DDC: variants seen among roughly 807,000 people sequenced by gnomAD.
The protein encoded by DDC is dopa decarboxylase.
DDC carries 43 observed loss-of-function variants against 60.0 expected under a neutral mutation model. The ratio of observed to expected loss-of-function variants is 0.72; its 90% CI spans 0.56 to 0.92. DDC has a LOEUF of 0.92. Ranked by LOEUF, DDC falls within the 40% of genes least tolerant of loss-of-function variation. The pLI, the probability that DDC is intolerant of heterozygous loss-of-function variation, is 0.00. For synonymous variants in DDC, 232 were observed against 234.6 expected (o/e 0.99, Z 0.10); for missense variants, 573 against 620.2 (o/e 0.92, Z 0.81).
At chr7:50,467,122 C>T in intron 13 of DDC, 92 bp downstream of exon 13, 1 of 1,138,952 alleles carries the variant, frequency 8.8e-7, no homozygotes. Context: ...TCTGGAGAGC[C>T]AGTGCCAGTG....
intron 6 of DDC, among the ~76,000 whole-genome samples, chr7:50,509,861 G>GA (rs555224345): frequency 0.051 from 7,660 of 151,542 alleles, 482 homozygotes; most frequent in African/African-American, 0.14. Flanking sequence ...AAGTCTTGGG[G>GA]AAAAAAAACC....
At chr7:50,535,792 C>T (rs1156471603) in intron 4 of DDC, among the ~76,000 whole-genome samples, 1 of 152,196 alleles carries the variant, frequency 6.6e-6, no homozygotes, top group Non-Finnish European at 1.5e-5. Flanking sequence ...GACTGTTTCC[C>T]TTCCAGGGAA....
At chr7:50,530,232 G>C (rs1392782403) in intron 4 of DDC, among the ~76,000 whole-genome samples, 1 of 152,096 alleles carries the variant, frequency 6.6e-6, no homozygotes, top group Non-Finnish European at 1.5e-5. Flanking sequence ...TCCAGCCTGG[G>C]CGACAGAGTG....
At chr7:50,482,980 T>A (rs2042802126) in intron 9 of DDC, among the ~76,000 whole-genome samples, 1 of 151,894 alleles carries the variant, frequency 6.6e-6, no homozygotes, top group Non-Finnish European at 1.5e-5. Flanking sequence ...TCCATACTGA[T>A]CCTTACATGT....
intron 9 of DDC, among the ~76,000 whole-genome samples, chr7:50,481,237 A>G (rs1419201866): frequency 6.6e-6 from 1 of 152,226 alleles, no homozygotes; most frequent in Non-Finnish European, 1.5e-5. Flanking sequence ...AGACAGACAA[A>G]GTCAGTAGGA....
intron 6 of DDC, among the ~76,000 whole-genome samples, chr7:50,507,431 C>T (rs2043430692): frequency 6.6e-6 from 1 of 152,120 alleles, no homozygotes; most frequent in South Asian, 2.1e-4. Flanking sequence ...GGGGTTTCAC[C>T]ATGTTGGCTA....
chr7:50,531,166 C>T (rs2044194018), intron 4 of DDC, among the ~76,000 whole-genome samples: 1 of 152,124 alleles, frequency 6.6e-6, no homozygotes, highest in African/African-American at 2.4e-5. Flanking sequence ...GTTTACAAAC[C>T]TTGGCCAGAG....
chr7:50,533,824 A>T (rs1430977134), intron 4 of DDC, among the ~76,000 whole-genome samples: 4 of 152,176 alleles, frequency 2.6e-5, no homozygotes, highest in African/African-American at 9.6e-5. Flanking sequence ...GGCTCACCAA[A>T]TGCTAGGGAG....
intron 12 of DDC, among the ~76,000 whole-genome samples, chr7:50,469,599 C>T (rs915612587): frequency 4.6e-5 from 7 of 152,148 alleles, no homozygotes; most frequent in African/African-American, 2.4e-5. Context: ...GCAATCTTAA[C>T]GAAAGTGACT....
chr7:50,524,565 T>A (rs372235690), intron 6 of DDC, among the ~76,000 whole-genome samples: 13 of 152,316 alleles, frequency 8.5e-5, no homozygotes, highest in Middle Eastern at 3.4e-3. Context: ...AATAAGCACA[T>A]GAAAAGATGT....
chr7:50,530,410 G>C (rs1585239911), intron 4 of DDC, among the ~76,000 whole-genome samples: 1 of 152,142 alleles, frequency 6.6e-6, no homozygotes, highest in African/African-American at 2.4e-5. Context: ...TTTGATTTTG[G>C]ACTTGCAGCC....
chr7:50,505,077 C>T (rs371047192), intron 6 of DDC, among the ~76,000 whole-genome samples: 2 of 152,206 alleles, frequency 1.3e-5, no homozygotes, highest in South Asian at 2.1e-4. Context: ...GGAGTCACTG[C>T]GGCCTCTCCC....
intron 1 of DDC, among the ~76,000 whole-genome samples, chr7:50,557,043 C>A (rs889478584): frequency 1.3e-5 from 2 of 152,094 alleles, no homozygotes; most frequent in Non-Finnish European, 2.9e-5. Flanking sequence ...CTGTGTCTAG[C>A]AATTATTATT....
At chr7:50,526,359 A>G (rs960182691) in intron 6 of DDC, among the ~76,000 whole-genome samples, 2 of 152,214 alleles carry the variant, frequency 1.3e-5, no homozygotes, top group Non-Finnish European at 2.9e-5. Context: ...ATATCTTCCA[A>G]AAGTGAAGGC....
intron 6 of DDC, among the ~76,000 whole-genome samples, chr7:50,509,703 T>G (rs182085607): frequency 2.0e-5 from 3 of 152,230 alleles, no homozygotes; most frequent in African/African-American, 7.2e-5. Flanking sequence ...CCTGTATTAC[T>G]TGGCACTTCC....
rs1004306761 is a variant in DDC, at chr7:50,542,339, A to C, written c.201+1546T>G. Reference sequence around the variant, plus strand: ...TAGCCCCTCCGCACCTGGAGGGCCCATGTGCCTTTGTCTCTCTCCCCTTCC... The same window carrying C: ...TAGCCCCTCCGCACCTGGAGGGCCCCTGTGCCTTTGTCTCTCTCCCCTTCC... On this transcript the variant is annotated intron_variant, in intron 2 of 14. Transcript: ENST00000444124. 2.0e-5 allele frequency: 3 copies of C among 152,174 alleles called. No individual in the cohort carries two copies. The East Asian group carries it at 5.8e-4, about 29-fold the overall frequency. The allele number at this position is 152,174 out of a possible 1,614,324, so 9.4% of individuals were successfully genotyped here.
chr7:50,489,800 T>G (rs2042961791), intron 9 of DDC, among the ~76,000 whole-genome samples: 1 of 152,238 alleles, frequency 6.6e-6, no homozygotes, highest in Non-Finnish European at 1.5e-5. Flanking sequence ...TCTGTGTCCC[T>G]ATGCCAGTTT....
At chr7:50,539,754 C>T (rs2044552035) in intron 3 of DDC, 161 bp downstream of exon 3, 1 of 644,566 alleles carries the variant, frequency 1.6e-6, no homozygotes, top group Non-Finnish European at 2.8e-6. Flanking sequence ...CTCAGAGGCA[C>T]TCTCTCTGGG....
chr7:50,550,712 C>T lies in DDC; in HGVS notation c.-28-6599G>A, dbSNP rs1046253149. 5.9e-5 allele frequency among the ~76,000 whole-genome samples: 9 copies of T among 152,294 alleles called. No homozygotes were observed. The East Asian group carries it at 1.7e-3, about 29-fold the overall frequency. The stretch of plus-strand genomic sequence containing the variant: ...CTCCCAGGTCACGGTAGGTGAGATA[C>T]AGTTAGTTGCATTCTTTTGAGTTTC... On this transcript the variant is annotated intron_variant, in intron 1 of 14. Coordinates refer to ENST00000444124, the MANE Select transcript of DDC (RefSeq NM_001082971.2).
Sources: allele counts gnomAD v4.1 joint callset (sites outside exome capture counted in the v4.1 genomes callset), GRCh38; gene constraint gnomAD v4.1.1; transcripts MANE v1.5; gene names NCBI Gene and HGNC (gene_info 2026-07-23, HGNC 2026-07-21).